IQCH: variants seen among roughly 807,000 people sequenced by gnomAD.
The protein encoded by IQCH is IQ motif containing H.
In IQCH, 98 loss-of-function variants were observed where a neutral mutation model predicts 117.0. That is an observed-to-expected ratio of 0.84 (90% CI 0.71 to 0.99). The LOEUF is 0.99. Ranked by LOEUF, IQCH falls within the 50% of genes least tolerant of loss-of-function variation. The probability of loss-of-function intolerance (pLI) is 0.00; values close to 1 mark genes in which losing one functional copy is unlikely to be tolerated. For synonymous variants in IQCH, 412 were observed against 448.2 expected (o/e 0.92, Z 1.02); for missense variants, 1,102 against 1,243.8 (o/e 0.89, Z 1.72).
chr15:67,292,710 C>T (rs1325003800), intron 4 of IQCH, among the ~76,000 whole-genome samples: 1 of 152,178 alleles, frequency 6.6e-6, no homozygotes, highest in East Asian at 1.9e-4. Flanking sequence ...AATGACATTT[C>T]ACCCCTTAAT....
intron 4 of IQCH, among the ~76,000 whole-genome samples, chr15:67,315,193 C>G (rs528175288): frequency 3.2e-4 from 48 of 152,302 alleles, no homozygotes; most frequent in African/African-American, 1.1e-3. Flanking sequence ...TCAAATCAGC[C>G]TGATCTGATG....
At chr15:67,354,073 A>G (rs1187929999) in intron 6 of IQCH, among the ~76,000 whole-genome samples, 1 of 152,178 alleles carries the variant, frequency 6.6e-6, no homozygotes, top group African/African-American at 2.4e-5. Context: ...AATTCTTTTT[A>G]TACTATTCCA....
At chr15:67,346,244 G>A (rs1026155273) in intron 6 of IQCH, among the ~76,000 whole-genome samples, 1 of 151,858 alleles carries the variant, frequency 6.6e-6, no homozygotes, top group Admixed American at 6.6e-5. Flanking sequence ...AATACATGAA[G>A]CAAAAATTAA....
chr15:67,395,501 G>A lies in IQCH; in HGVS notation c.1843G>A (p.Val615Ile). ...TAGTACCAAATCTGGAGGCAAACGT[G>A]TCTTTGACAGTGCCAATGTGGCAGT... Reference protein sequence around the residue: ...LYSTKSGGKRVFDSANVAVPP... With the variant: ...LYSTKSGGKRIFDSANVAVPP... The change falls in exon 13 of 21, where the codon GTC (valine) becomes ATC (isoleucine). Residue 615 changes from valine (V) to isoleucine (I), a missense_variant. By Grantham distance (29) the Val-to-Ile change is conservative. Coordinates refer to ENST00000335894, the MANE Select transcript of IQCH (RefSeq NM_001031715.3). This position sits in a 1 kb window ranked among gnomAD's most constrained non-coding sequence, Gnocchi z 4.0. 5.6e-6 allele frequency: 9 copies of A among 1,613,984 alleles called. No individual in the cohort carries two copies. The South Asian group carries it at 6.6e-5, about 12-fold the overall frequency.
rs182238315 is a variant in IQCH at position 67,378,022 on chromosome 15, A to G, written c.1372+4589A>G. Among the ~76,000 whole-genome samples the G allele has an allele frequency of 3.8e-3, 580 of 152,282 alleles. 2 individuals carry two copies. Among genetic ancestry groups the G allele is most frequent in the Non-Finnish European group, 6.6e-3 (449 of 68,012 alleles). On this transcript the variant is annotated intron_variant, in intron 10 of 20. Transcript: ENST00000335894. The stretch of plus-strand genomic sequence containing the variant: ...CTCATGTGTACTTTCACAGAAGCCT[A>G]CGAGAAAGGATAGGGAAACTTACTT...
At chr15:67,363,234 G>GGT in intron 8 of IQCH, among the ~76,000 whole-genome samples, 1 of 118,950 alleles carries the variant, frequency 8.4e-6, no homozygotes, top group African/African-American at 3.2e-5. Context: ...CACAAATCTT[G>GGT]ATTTTTTTTT....
chr15:67,286,484 G>T (rs376767578), intron 4 of IQCH, among the ~76,000 whole-genome samples: 2 of 152,174 alleles, frequency 1.3e-5, no homozygotes, highest in African/African-American at 4.8e-5. Context: ...TAACAGTGGT[G>T]AAAGTGGGCG....
intron 4 of IQCH, among the ~76,000 whole-genome samples, chr15:67,282,654 C>T (rs977096320): frequency 6.6e-6 from 1 of 152,162 alleles, no homozygotes; most frequent in Non-Finnish European, 1.5e-5. Flanking sequence ...CCAGCTGTTA[C>T]ACATGCCTAC....
chr15:67,413,768 C>T lies in IQCH; in HGVS notation c.2098-3163C>T, dbSNP rs538044962. On this transcript the variant is annotated intron_variant, in intron 14 of 20. Coordinates refer to ENST00000335894, the MANE Select transcript of IQCH (RefSeq NM_001031715.3). The surrounding 1 kb of genome is among the most constrained non-coding windows in gnomAD (Gnocchi z 5.0). ...CCAGCATCCCTACTGAATGTCACCC[C>T]GCCAGTGCCTTCAGCTGTGTACCTC... is the stretch of plus-strand genomic sequence containing the variant. Among the ~76,000 whole-genome samples, 85 of 152,274 alleles carry T rather than the reference C, an allele frequency of 5.6e-4. No homozygotes were observed. The South Asian group carries it at 0.017, about 31-fold the overall frequency.
chr15:67,279,907 T>G (rs1002430850), intron 4 of IQCH, among the ~76,000 whole-genome samples: 2 of 151,906 alleles, frequency 1.3e-5, no homozygotes, highest in Non-Finnish European at 2.9e-5. Context: ...GTGGTGGTAC[T>G]CGGGAGGCTG....
intron 4 of IQCH, among the ~76,000 whole-genome samples, chr15:67,313,254 A>T (rs967409424): frequency 6.6e-6 from 1 of 152,206 alleles, no homozygotes; most frequent in Non-Finnish European, 1.5e-5. Flanking sequence ...AGAGCCGTAG[A>T]TGGAGAATCA....
At chr15:67,383,707 A>G (rs1349112369) in intron 10 of IQCH, among the ~76,000 whole-genome samples, 1 of 152,208 alleles carries the variant, frequency 6.6e-6, no homozygotes, top group Non-Finnish European at 1.5e-5. Context: ...AACTGCCTAT[A>G]TTAGCTTTTA....
In IQCH at chr15:67,387,308, C is replaced by T. The variant is rs1246191837; in HGVS notation, c.1457-1523C>T. 6.6e-6 allele frequency among the ~76,000 whole-genome samples: 1 copy of T among 152,124 alleles called. No individual in the cohort carries two copies. The highest frequency in any genetic ancestry group is 2.4e-5 in the African/African-American group (1 of 41,432). The stretch of plus-strand genomic sequence containing the variant: ...TTCAGAAAACACCCCCTCTAGGTCT[C>T]TAGAGAGATTTCTCTATGTATGTAT... On this transcript the variant is annotated intron_variant, in intron 11 of 20. Coordinates refer to ENST00000335894, the MANE Select transcript of IQCH (RefSeq NM_001031715.3). The surrounding 1 kb of genome is among the most constrained non-coding windows in gnomAD (Gnocchi z 4.8).
At chr15:67,319,924 A>G (rs1968033435) in intron 4 of IQCH, among the ~76,000 whole-genome samples, 1 of 152,252 alleles carries the variant, frequency 6.6e-6, no homozygotes, top group African/African-American at 2.4e-5. Context: ...TATTCCTTAA[A>G]AATTGGCTTC....
rs1372789554 is a variant in IQCH at position 67,393,754 on chromosome 15, A to G, written c.1633-1537A>G. ...GGTCTGAAAGTCCTGGGCTCAAGTG[A>G]TCTGCCTGCCATGGCCTCCCCTAAA... On this transcript the variant is annotated intron_variant, in intron 12 of 20. Transcript: ENST00000335894. This position sits in a 1 kb window ranked among gnomAD's most constrained non-coding sequence, Gnocchi z 5.5. Among the ~76,000 whole-genome samples the G allele has an allele frequency of 6.6e-6, 1 of 152,082 alleles. No homozygotes were observed. Among genetic ancestry groups the G allele is most frequent in the Non-Finnish European group, 1.5e-5 (1 of 68,010 alleles).
At chr15:67,290,116 G>T (rs973414103) in intron 4 of IQCH, among the ~76,000 whole-genome samples, 3 of 151,948 alleles carry the variant, frequency 2.0e-5, no homozygotes, top group Non-Finnish European at 4.4e-5. Context: ...GTCTTATTTG[G>T]TCCACGTCAT....
At chr15:67,497,737 G>A (rs1050642559) in intron 20 of IQCH, among the ~76,000 whole-genome samples, 7 of 152,092 alleles carry the variant, frequency 4.6e-5, no homozygotes, top group South Asian at 2.1e-4. Context: ...TGATCCGCCC[G>A]CCTCGGCCTC....
chr15:67,285,622 G>A (rs1567065055), intron 4 of IQCH, among the ~76,000 whole-genome samples: 1 of 152,046 alleles, frequency 6.6e-6, no homozygotes, highest in Non-Finnish European at 1.5e-5. Context: ...TTGAGTTAAT[G>A]TTTGTGTGTG....
At chr15:67,272,606 T>C (rs1336179116) in intron 3 of IQCH, among the ~76,000 whole-genome samples, 1 of 152,230 alleles carries the variant, frequency 6.6e-6, no homozygotes, top group Non-Finnish European at 1.5e-5. Flanking sequence ...ACTTGGGTGC[T>C]CCAATGTTGC....
Sources: allele counts gnomAD v4.1 joint callset (sites outside exome capture counted in the v4.1 genomes callset), GRCh38; gene constraint gnomAD v4.1.1; non-coding constraint Gnocchi (gnomAD v3.1); transcripts MANE v1.5; gene names NCBI Gene and HGNC (gene_info 2026-07-23, HGNC 2026-07-21).